Variants in COL28A1 observed in about 807,000 individuals in gnomAD.
COL28A1 encodes the protein collagen type XXVIII alpha 1 chain, also known as collagen alpha-1(XXVIII) chain.
In COL28A1, 161 loss-of-function variants were observed where a neutral mutation model predicts 150.2. That is an observed-to-expected ratio of 1.07 (90% CI 0.94 to 1.22). COL28A1 has a LOEUF of 1.22. COL28A1 is among the 50% of genes most tolerant of loss of function. The pLI is 0.00. For synonymous variants in COL28A1, 552 were observed against 469.7 expected (o/e 1.18, Z -2.26); for missense variants, 1,617 against 1,388.3 (o/e 1.16, Z -2.62).
At chr7:7,437,484 A>G in intron 21 of COL28A1, 22 bp from the exon 22 acceptor site, 1 of 1,608,776 alleles carries the variant, frequency 6.2e-7, no homozygotes, top group Non-Finnish European at 8.5e-7. Flanking sequence ...CAAAATGCTC[A>G]CTACATTTCA....
intron 32 of COL28A1, among the ~76,000 whole-genome samples, chr7:7,372,585 T>C (rs1392937080): frequency 2.6e-5 from 4 of 152,176 alleles, no homozygotes; most frequent in African/African-American, 9.7e-5. Flanking sequence ...ATAACTTTTT[T>C]TTCATTCAGC....
intron 30 of COL28A1, among the ~76,000 whole-genome samples, chr7:7,379,624 G>A (rs573182620): frequency 2.0e-5 from 3 of 152,124 alleles, no homozygotes; most frequent in African/African-American, 7.2e-5. Flanking sequence ...CCAGAGTAAG[G>A]TTTACTGGAT....
chr7:7,421,280 C>A (rs1274304072), intron 25 of COL28A1, among the ~76,000 whole-genome samples: 2 of 152,108 alleles, frequency 1.3e-5, no homozygotes, highest in Non-Finnish European at 2.9e-5. Context: ...GTAGATTAGT[C>A]ACTGCCAGGG....
At chr7:7,353,583 C>A (rs1472592751), downstream of COL28A1, among the ~76,000 whole-genome samples, 1 of 152,226 alleles carries the variant, frequency 6.6e-6, no homozygotes, top group East Asian at 1.9e-4. Flanking sequence ...CTCAGCCACT[C>A]ATTTTGGTTG....
At chr7:7,534,797 A>G (rs554353454) in intron 1 of COL28A1, among the ~76,000 whole-genome samples, 1 of 152,230 alleles carries the variant, frequency 6.6e-6, no homozygotes, top group Admixed American at 6.5e-5. Context: ...TTCCATTGAC[A>G]ATAATCCCAG....
At chr7:7,393,560 C>T (rs1782667805) in intron 27 of COL28A1, among the ~76,000 whole-genome samples, 1 of 152,190 alleles carries the variant, frequency 6.6e-6, no homozygotes, top group Admixed American at 6.5e-5. Context: ...CCACAGTCTC[C>T]CCTTCCCCCA....
At chr7:7,461,782 C>A (rs56330916) in intron 15 of COL28A1, among the ~76,000 whole-genome samples, 1 of 152,028 alleles carries the variant, frequency 6.6e-6, no homozygotes, top group African/African-American at 2.4e-5. Flanking sequence ...GCCTTGCTCC[C>A]GCCTAATGGT....
At chr7:7,496,062 T>C (rs1271584293) in intron 11 of COL28A1, among the ~76,000 whole-genome samples, 1 of 152,212 alleles carries the variant, frequency 6.6e-6, no homozygotes, top group Non-Finnish European at 1.5e-5. Flanking sequence ...TTCTCTTTCA[T>C]AGTGATTCTT....
chr7:7,538,902 C>T (rs56681740), upstream of COL28A1, among the ~76,000 whole-genome samples: 3,916 of 151,452 alleles, frequency 0.026, 174 homozygotes, highest in African/African-American at 0.09. Flanking sequence ...TAATGACCTT[C>T]GTACCTGATT....
At chr7:7,398,687 T>C (rs149209930) in intron 27 of COL28A1, among the ~76,000 whole-genome samples, 3 of 152,332 alleles carry the variant, frequency 2.0e-5, no homozygotes, top group Non-Finnish European at 4.4e-5. Flanking sequence ...ACCTGCCAAA[T>C]TTCATGAATG....
At chr7:7,391,479 G>C (rs1782536779) in intron 27 of COL28A1, among the ~76,000 whole-genome samples, 1 of 152,184 alleles carries the variant, frequency 6.6e-6, no homozygotes, top group African/African-American at 2.4e-5. Context: ...AGGTTCTGTA[G>C]ATGTCTATTA....
rs570510382 is a variant in COL28A1 at position 7,448,436 on chromosome 7, A to G, written c.1509+3883T>C. On this transcript the variant is annotated intron_variant, in intron 18 of 34. Coordinates refer to ENST00000399429, the MANE Select transcript of COL28A1 (RefSeq NM_001037763.3). ...AAGGAAGAAAAAGCAACTGCACACT[A>G]TAATTCTATAACCAGAAAAAATAAT... Among the ~76,000 whole-genome samples the G allele has an allele frequency of 6.6e-4, 100 of 152,192 alleles. 2 individuals are homozygous for G. The South Asian group carries it at 0.02, about 30-fold the overall frequency.
At chr7:7,416,991 T>TAA (rs1056063447) in intron 27 of COL28A1, among the ~76,000 whole-genome samples, 2 of 150,590 alleles carry the variant, frequency 1.3e-5, no homozygotes, top group African/African-American at 2.5e-5. Flanking sequence ...TTAAGCATGG[T>TAA]AAAAATATAT....
At chr7:7,454,090 T>C (rs866541015) in intron 16 of COL28A1, among the ~76,000 whole-genome samples, 2 of 152,212 alleles carry the variant, frequency 1.3e-5, no homozygotes, top group African/African-American at 4.8e-5. Context: ...AAAAAGGATA[T>C]GCACATATGT....
At chr7:7,390,836 T>A (rs958932849) in intron 27 of COL28A1, among the ~76,000 whole-genome samples, 1 of 152,228 alleles carries the variant, frequency 6.6e-6, no homozygotes, top group Middle Eastern at 3.2e-3. Context: ...TCAGCAGTGA[T>A]ATCCCCTTTA....
chr7:7,409,172 GA>G (rs1245957816), intron 27 of COL28A1, among the ~76,000 whole-genome samples: 1 of 152,110 alleles, frequency 6.6e-6, no homozygotes, highest in Non-Finnish European at 1.5e-5. Context: ...AGGAGATGGA[GA>G]AAAATTTATA....
At position 7,474,679 on chromosome 7, in the gene COL28A1, C is replaced by G; in HGVS notation, c.1234-10G>C. On this transcript the variant is annotated splice_polypyrimidine_tract_variant and intron_variant, in intron 14 of 34. Transcript: ENST00000399429. ...CAGAACCTTTTTCACCCTGAAAGTA[C>G]AAGGGAGGGATATCAATGCACCAAC... 8.1e-7 allele frequency: 1 copy of G among 1,232,682 alleles called. No individual in the cohort carries two copies. Among genetic ancestry groups the G allele is most frequent in the Non-Finnish European group, 1.2e-6 (1 of 832,100 alleles). 76.4% of individuals were successfully genotyped at this position (1,232,682 alleles called of 1,614,324 possible).
intron 27 of COL28A1, among the ~76,000 whole-genome samples, chr7:7,391,801 CTTT>C (rs33991942): frequency 0.48 from 56,445 of 116,540 alleles, 11,427 homozygotes; most frequent in South Asian, 0.58. Context: ...GCAACCCCTG[CTTT>C]TTTTTTTTTT....
At chr7:7,448,737 T>C (rs1485078111) in intron 18 of COL28A1, among the ~76,000 whole-genome samples, 1 of 151,960 alleles carries the variant, frequency 6.6e-6, no homozygotes, top group Non-Finnish European at 1.5e-5. Context: ...AAATAAATTG[T>C]GGTATATCCA....
Sources: allele counts gnomAD v4.1 joint callset (sites outside exome capture counted in the v4.1 genomes callset), GRCh38; gene constraint gnomAD v4.1.1; transcripts MANE v1.5; gene names NCBI Gene and HGNC (gene_info 2026-07-23, HGNC 2026-07-21).